The following PAX5 variants were observed in gnomAD, a reference collection of about 807,000 sequenced individuals.
The protein encoded by PAX5 is paired box protein Pax-5.
A neutral mutation model predicts 43.7 loss-of-function variants in PAX5; 9 were observed. The ratio of observed to expected loss-of-function variants is 0.21; its 90% CI spans 0.12 to 0.36. The LOEUF is 0.36. Among genes scored for constraint, PAX5 ranks in the 10% least tolerant of loss-of-function variants. The pLI is 1.00. For synonymous variants in PAX5, 228 were observed against 214.3 expected, an observed-to-expected ratio of 1.06 and a Z score of -0.56; for missense variants, 383 against 532.7, an observed-to-expected ratio of 0.72 and a Z score of 2.77.
Position 37,020,798 on chromosome 9 carries a change from T to G in PAX5, c.50A>C (p.His17Pro). Residue 17 changes from histidine to proline, a missense_variant, in exon 2 of 10, where the codon CAT becomes CCT. Transcript: ENST00000358127. ...YPTPRTSRTG[H>P]GGVNQLGGVF... ...CCCCCCAAGCTGATTCACTCCTCCA[T>G]GTCCTGAAACAGATCAGAAACAAAA... 1 of 1,614,080 alleles carries G rather than the reference T, an allele frequency of 6.2e-7. No homozygotes were observed. The highest frequency in any genetic ancestry group is 8.5e-7 in the Non-Finnish European group (1 of 1,180,004).
chr9:36,923,592 G>A, intron 6 of PAX5, 108 bp from the exon 7 acceptor site: 3 of 1,315,652 alleles, frequency 2.3e-6, no homozygotes, highest in Non-Finnish European at 2.1e-6. Context: ...GTCCATGCCT[G>A]TGCCAAGGCC....
rs1252532396 is a variant in PAX5 at position 36,933,578 on chromosome 9, G to T, written c.781-10094C>A. On this transcript the variant is annotated intron_variant, in intron 6 of 9. Coordinates refer to ENST00000358127, the MANE Select transcript of PAX5 (RefSeq NM_016734.3). ...TCCCCTACCTGGAAGCAGAGTTAGAGTTGGAGGGGACTTTACTGCCACCCC... is the reference window on the plus strand; with the variant it reads ...TCCCCTACCTGGAAGCAGAGTTAGATTTGGAGGGGACTTTACTGCCACCCC... Among the ~76,000 whole-genome samples the T allele has an allele frequency of 2.0e-5, 3 of 152,166 alleles. No homozygotes were observed. In the South Asian group the frequency reaches 6.2e-4, roughly 32 times the overall value.
chr9:36,868,053 G>A (rs1034509000), intron 8 of PAX5, among the ~76,000 whole-genome samples: 5 of 152,126 alleles, frequency 3.3e-5, no homozygotes, highest in East Asian at 1.9e-4. Context: ...AGGGCGAGAG[G>A]CAAGTCCCCC....
intron 2 of PAX5, among the ~76,000 whole-genome samples, chr9:37,018,610 G>A (rs1424085299): frequency 2.1e-5 from 3 of 140,790 alleles, no homozygotes; most frequent in African/African-American, 7.7e-5. Context: ...AACGGCCCCA[G>A]TTCAGAAATT....
At chr9:36,871,273 C>G (rs572668050) in intron 8 of PAX5, among the ~76,000 whole-genome samples, 9 of 152,244 alleles carry the variant, frequency 5.9e-5, no homozygotes, top group Non-Finnish European at 1.0e-4. Context: ...CGGCGTTTAT[C>G]TCCTGGATTC....
chr9:36,912,897 C>T (rs1379875783), intron 7 of PAX5, among the ~76,000 whole-genome samples: 1 of 152,226 alleles, frequency 6.6e-6, no homozygotes, highest in Non-Finnish European at 1.5e-5. Flanking sequence ...ATTACCACCC[C>T]TATTTCATAG....
At chr9:37,028,618 T>A (rs1161891755) in intron 1 of PAX5, among the ~76,000 whole-genome samples, 1 of 152,140 alleles carries the variant, frequency 6.6e-6, no homozygotes, top group African/African-American at 2.4e-5. Context: ...TGCGCTTCTG[T>A]CCACCGGAGA....
At chr9:36,995,178 T>G (rs944070) in intron 5 of PAX5, among the ~76,000 whole-genome samples, 118,253 of 152,254 alleles carry the variant, frequency 0.78, 46,139 homozygotes, top group South Asian at 0.9. Context: ...AGGCTGCCTG[T>G]TCACCCATAC....
At chr9:36,950,735 C>CTTTTTTT (rs55801947) in intron 6 of PAX5, among the ~76,000 whole-genome samples, 4 of 116,638 alleles carry the variant, frequency 3.4e-5, no homozygotes, top group Admixed American at 9.0e-5. Context: ...ACTGAGTTTT[C>CTTTTTTT]TTTTTTTTTT....
intron 6 of PAX5, among the ~76,000 whole-genome samples, chr9:36,946,381 A>T (rs1254709874): frequency 6.6e-6 from 1 of 152,222 alleles, no homozygotes. Context: ...CTGAGAGATC[A>T]AGAGAAACCC....
intron 5 of PAX5, among the ~76,000 whole-genome samples, chr9:36,983,814 C>T (rs56365835): frequency 0.056 from 8,498 of 152,190 alleles, 274 homozygotes; most frequent in Admixed American, 0.11. Context: ...GATTCCAAGG[C>T]GCCTCCAGTT....
intron 5 of PAX5, among the ~76,000 whole-genome samples, chr9:36,977,419 T>C (rs1835531098): frequency 6.6e-6 from 1 of 152,138 alleles, no homozygotes; most frequent in African/African-American, 2.4e-5. Context: ...AGTCTGCTCC[T>C]AGCCCTACAC....
intron 9 of PAX5, among the ~76,000 whole-genome samples, chr9:36,846,306 A>G (rs1822570292): frequency 6.6e-6 from 1 of 152,184 alleles, no homozygotes; most frequent in Non-Finnish European, 1.5e-5. Context: ...GCTGAGCCCT[A>G]AATGGCATGC....
intron 1 of PAX5, among the ~76,000 whole-genome samples, chr9:37,027,190 T>G (rs1291139104): frequency 6.6e-6 from 1 of 152,212 alleles, no homozygotes. Context: ...TGCAAAGAAC[T>G]TCCTCTCCGG....
At chr9:36,955,924 A>G (rs927696818) in intron 6 of PAX5, among the ~76,000 whole-genome samples, 2 of 152,128 alleles carry the variant, frequency 1.3e-5, no homozygotes, top group African/African-American at 4.8e-5. Context: ...TCTTTTTTAA[A>G]AAATAATTTA....
chr9:36,887,911 A>G (rs1827037923), intron 7 of PAX5, among the ~76,000 whole-genome samples: 1 of 148,010 alleles, frequency 6.8e-6, no homozygotes, highest in African/African-American at 2.5e-5. Flanking sequence ...ATATATAAAG[A>G]ACTCTTGCAG....
intron 8 of PAX5, among the ~76,000 whole-genome samples, chr9:36,854,983 G>A (rs1162952596): frequency 1.3e-5 from 2 of 152,260 alleles, no homozygotes; most frequent in Non-Finnish European, 2.9e-5. Context: ...CCTGCCAGCT[G>A]TGCGGTGGCC....
intron 7 of PAX5, among the ~76,000 whole-genome samples, chr9:36,898,291 G>A (rs997526126): frequency 2.6e-5 from 4 of 152,160 alleles, no homozygotes; most frequent in East Asian, 1.9e-4. Flanking sequence ...TTATTTATGC[G>A]GCCTCAGGCA....
chr9:36,840,544 C>T lies in PAX5; in HGVS notation c.*16G>A, dbSNP rs537480017. ...ATAGGTGCCATCAGTGTTTGGTGCC[C>T]GCCTGGCTCCAAGGGTCAGTGACGG... On this transcript the variant is annotated 3_prime_UTR_variant, in exon 10 of 10. Coordinates refer to ENST00000358127, the MANE Select transcript of PAX5 (RefSeq NM_016734.3). The T allele has an allele frequency of 5.0e-5, 79 of 1,575,956 alleles. No homozygotes were observed. Among genetic ancestry groups the T allele is most frequent in the East Asian group, 1.6e-4 (7 of 43,684 alleles).
Sources: gnomAD v4.1 joint callset for allele counts (sites outside exome capture counted in the v4.1 genomes callset) on GRCh38, gnomAD v4.1.1 for gene constraint, MANE v1.5 for transcripts, NCBI Gene and HGNC (gene_info 2026-07-23, HGNC 2026-07-21) for gene names.